Variants in TTPA observed in about 807,000 individuals in gnomAD.
The protein encoded by TTPA is alpha tocopherol transfer protein, also known as alpha-tocopherol transfer protein.
A neutral mutation model predicts 25.9 loss-of-function variants in TTPA; 23 were observed. That is an observed-to-expected ratio of 0.89 (90% CI 0.64 to 1.26). The LOEUF is 1.26. Ranked by LOEUF, TTPA falls within the 50% of genes most tolerant of loss-of-function variation. The pLI, the probability that TTPA is intolerant of heterozygous loss-of-function variation, is 0.00. For synonymous variants in TTPA, 148 were observed against 137.3 expected, an observed-to-expected ratio of 1.08 and a Z score of -0.54; for missense variants, 337 against 353.1, an observed-to-expected ratio of 0.95 and a Z score of 0.37.
chr8:63,065,079 T>G (rs989224100), intron 3 of TTPA, among the ~76,000 whole-genome samples: 1 of 152,234 alleles, frequency 6.6e-6, no homozygotes, highest in African/African-American at 2.4e-5. Flanking sequence ...CAAGAATCCA[T>G]CAAATGAATG....
chr8:63,059,789 T>G lies in TTPA; in HGVS notation c.*1463A>C, dbSNP rs537396248. 1 of 152,070 alleles carries G rather than the reference T, an allele frequency of 6.6e-6. No individual in the cohort carries two copies. The highest frequency in any genetic ancestry group is 6.5e-5 in the Admixed American group (1 of 15,268). The allele number at this position is 152,070 out of a possible 1,614,324, so 9.4% of individuals were successfully genotyped here. A position where few individuals can be genotyped will look rare whatever the true frequency, so the allele number is the denominator to read the frequency against. ...CCGGTTATTTATTTATTTATTTTTA[T>G]TTTTATTTTTTAATTTTTTTTGAGA... On this transcript the variant is annotated 3_prime_UTR_variant, in exon 5 of 5. Transcript: ENST00000260116.
chr8:63,085,688 G>A, intron 1 of TTPA, 130 bp downstream of exon 1: 1 of 1,149,080 alleles, frequency 8.7e-7, no homozygotes, highest in South Asian at 1.5e-5. Flanking sequence ...CGGGTGGTTA[G>A]GGGCGCGTTA....
At chr8:63,078,026 TGACACCCAGGCAAACAGGGTCTGGAATG>T (rs1256903469) in intron 1 of TTPA, among the ~76,000 whole-genome samples, 3 of 152,168 alleles carry the variant, frequency 2.0e-5, no homozygotes, top group African/African-American at 7.2e-5. Context: ...CCTTCGCTGG[TGACACCCAGGCAAACAGGGTCTGGAATG>T]GACCTCCAGC....
chr8:63,079,193 G>A (rs1805619364), intron 1 of TTPA, among the ~76,000 whole-genome samples: 1 of 152,138 alleles, frequency 6.6e-6, no homozygotes, highest in South Asian at 2.1e-4. Context: ...CATTAAACAT[G>A]GAAAGGAACA....
At position 63,072,814 on chromosome 8, in the gene TTPA, G is replaced by A. The variant is rs1805502694; in HGVS notation, c.358+121C>T. 9 of 1,143,768 alleles carry A rather than the reference G, an allele frequency of 7.9e-6. No individual in the cohort carries two copies. The East Asian group carries it at 9.5e-5, about 12-fold the overall frequency. 70.9% of individuals were successfully genotyped at this position (1,143,768 alleles called of 1,614,324 possible). ...AAAGCCCAAATTCCTAAAGATGAATGCATTGAAGCTTTCTATATGGTATTC... is the reference window on the plus strand; with the variant it reads ...AAAGCCCAAATTCCTAAAGATGAATACATTGAAGCTTTCTATATGGTATTC... On this transcript the variant is annotated intron_variant, in intron 2 of 4. Coordinates refer to ENST00000260116, the MANE Select transcript of TTPA (RefSeq NM_000370.3).
intron 4 of TTPA, among the ~76,000 whole-genome samples, chr8:63,062,570 C>T (rs1805325423): frequency 1.3e-5 from 2 of 152,050 alleles, no homozygotes; most frequent in Non-Finnish European, 1.5e-5. Flanking sequence ...TCTATCTCCT[C>T]AGGAAGGGGC....
intron 1 of TTPA, among the ~76,000 whole-genome samples, chr8:63,081,636 G>C (rs1805665390): frequency 6.6e-6 from 1 of 152,072 alleles, no homozygotes; most frequent in South Asian, 2.1e-4. Context: ...TGGAAATCCT[G>C]GCCACGGCAA....
In TTPA at chr8:63,065,941, G is replaced by A. The variant is rs761956631; in HGVS notation, c.515C>T (p.Thr172Ile). 1 of 1,614,062 alleles carries A rather than the reference G, an allele frequency of 6.2e-7. No homozygotes were observed. The highest frequency in any genetic ancestry group is 1.1e-5 in the South Asian group (1 of 91,080). ...AGCAATCTTCTTGGCTACGGATGGA[G>A]TGATTTGAAAAGCATGAGAAAACTG... ...GWQFSHAFQI[T>I]PSVAKKIAAV... The change falls in exon 3 of 5, where the codon ACT (threonine) becomes ATT (isoleucine). Residue 172 changes from threonine (T) to isoleucine (I), a missense_variant. Physicochemically the swap from Thr to Ile is moderately conservative, Grantham distance 89. Coordinates refer to ENST00000260116, the MANE Select transcript of TTPA (RefSeq NM_000370.3).
chr8:63,077,488 T>C (rs1805582320), intron 1 of TTPA, among the ~76,000 whole-genome samples: 1 of 152,246 alleles, frequency 6.6e-6, no homozygotes, highest in Non-Finnish European at 1.5e-5. Context: ...TCTTAGCAAC[T>C]GGCACACAAG....
chr8:63,063,769 C>T (rs888247794), intron 4 of TTPA, among the ~76,000 whole-genome samples: 1 of 152,152 alleles, frequency 6.6e-6, no homozygotes, highest in Non-Finnish European at 1.5e-5. Context: ...AAACATCCTG[C>T]AATCTCGTTG....
At chr8:63,078,831 A>G (rs910530215) in intron 1 of TTPA, among the ~76,000 whole-genome samples, 45 of 152,196 alleles carry the variant, frequency 3.0e-4, no homozygotes, top group Non-Finnish European at 5.3e-4. Context: ...CAGGAAATAC[A>G]GAGAACACCA....
chr8:63,061,178 C>G lies in TTPA; in HGVS notation c.*74G>C. 1 of 1,469,048 alleles carries G rather than the reference C, an allele frequency of 6.8e-7. No individual in the cohort carries two copies. Among genetic ancestry groups the G allele is most frequent in the Non-Finnish European group, 9.4e-7 (1 of 1,060,144 alleles). 91.0% of individuals were successfully genotyped at this position (1,469,048 alleles called of 1,614,324 possible). ...TTAGTTTAAAAGATTTGCTCCTTTT[C>G]TTTCATTCATTTAACCAGGTTGGAT... On this transcript the variant is annotated 3_prime_UTR_variant, in exon 5 of 5. Coordinates refer to ENST00000260116, the MANE Select transcript of TTPA (RefSeq NM_000370.3).
In TTPA at chr8:63,059,784, T is replaced by TTA. The variant is rs1805271795; in HGVS notation, c.*1467_*1468insTA. The TTA allele has an allele frequency of 6.6e-6, 1 of 152,046 alleles. No individual in the cohort carries two copies. Among genetic ancestry groups the TTA allele is most frequent in the South Asian group, 2.1e-4 (1 of 4,826 alleles). 9.4% of individuals were successfully genotyped at this position (152,046 alleles called of 1,614,324 possible). On this transcript the variant is annotated 3_prime_UTR_variant, in exon 5 of 5. Transcript: ENST00000260116. ...CTTTACCGGTTATTTATTTATTTAT[T>TTA]TTTATTTTTATTTTTTAATTTTTTT...
chr8:63,069,486 T>C (rs1805448858), intron 2 of TTPA, among the ~76,000 whole-genome samples: 1 of 152,004 alleles, frequency 6.6e-6, no homozygotes, highest in Admixed American at 6.6e-5. Flanking sequence ...TCCCAGCACT[T>C]TGTGGGTCTG....
chr8:63,077,958 T>A (rs1805590498), intron 1 of TTPA, among the ~76,000 whole-genome samples: 1 of 152,140 alleles, frequency 6.6e-6, no homozygotes, highest in Non-Finnish European at 1.5e-5. Flanking sequence ...GGACGAAGCT[T>A]CCAGAGGAAG....
At chr8:63,070,995 A>AAG (rs10645012) in intron 2 of TTPA, among the ~76,000 whole-genome samples, 16,579 of 151,958 alleles carry the variant, frequency 0.11, 1,287 homozygotes, top group East Asian at 0.42. Context: ...TGAAATTCAA[A>AAG]TAACTGGGCA....
chr8:63,079,955 A>G (rs1805634079), intron 1 of TTPA, among the ~76,000 whole-genome samples: 2 of 152,246 alleles, frequency 1.3e-5, no homozygotes, highest in African/African-American at 4.8e-5. Context: ...AAGAAAAGAA[A>G]TCACAACAAA....
chr8:63,074,849 C>T (rs907549741), intron 1 of TTPA, among the ~76,000 whole-genome samples: 3 of 152,262 alleles, frequency 2.0e-5, no homozygotes, highest in South Asian at 2.1e-4. Flanking sequence ...AGGTTTAATA[C>T]TGGCAGGGGC....
intron 2 of TTPA, among the ~76,000 whole-genome samples, chr8:63,069,095 T>C (rs1379050934): frequency 6.6e-6 from 1 of 151,860 alleles, no homozygotes; most frequent in African/African-American, 2.4e-5. Flanking sequence ...GCAGAGGTTG[T>C]AGTGAGTCGA....
Sources: allele counts gnomAD v4.1 joint callset (sites outside exome capture counted in the v4.1 genomes callset), GRCh38; gene constraint gnomAD v4.1.1; transcripts MANE v1.5; gene names NCBI Gene and HGNC (gene_info 2026-07-23, HGNC 2026-07-21).